The following PCDHGA9 variants were observed in gnomAD, a reference collection of about 807,000 sequenced individuals.
The protein encoded by PCDHGA9 is protocadherin gamma subfamily A, 9, also known as protocadherin gamma-A9.
Under a neutral mutation model 62.5 loss-of-function variants are expected in PCDHGA9, and 37 were observed. The observed-to-expected ratio is 0.59, with a 90% CI of 0.46 to 0.78. The LOEUF is 0.78. Among genes scored for constraint, PCDHGA9 ranks in the 30% least tolerant of loss-of-function variants. The probability of loss-of-function intolerance (pLI) is 0.00; values close to 1 mark genes in which losing one functional copy is unlikely to be tolerated. For missense variants in PCDHGA9, 1,138 were observed against 1,166.2 expected, an observed-to-expected ratio of 0.98 and a Z score of 0.35; for synonymous variants, 459 against 484.6, an observed-to-expected ratio of 0.95 and a Z score of 0.69.
intron 1 of PCDHGA9, among the ~76,000 whole-genome samples, chr5:141,405,891 A>G (rs1029768115): frequency 1.3e-5 from 2 of 152,164 alleles, no homozygotes; most frequent in African/African-American, 4.8e-5. Flanking sequence ...TTGCTCCAAC[A>G]CTGAAAGGAG....
intron 1 of PCDHGA9, among the ~76,000 whole-genome samples, chr5:141,458,890 C>A (rs369529373): frequency 2.0e-5 from 3 of 152,042 alleles, no homozygotes; most frequent in African/African-American, 7.2e-5. Flanking sequence ...GCACACCATG[C>A]GCAGCTAATT....
At chr5:141,460,159 T>A (rs1313260289) in intron 1 of PCDHGA9, among the ~76,000 whole-genome samples, 3 of 152,260 alleles carry the variant, frequency 2.0e-5, no homozygotes, top group Non-Finnish European at 1.5e-5. Context: ...CTTTGTCACA[T>A]ACATATTTTG....
intron 1 of PCDHGA9, among the ~76,000 whole-genome samples, chr5:141,407,531 T>C (rs757019162): frequency 3.3e-5 from 5 of 151,462 alleles, no homozygotes; most frequent in South Asian, 2.1e-4. Context: ...TAACTTATTG[T>C]GCATTGGTAA....
chr5:141,494,924 TGGGAGGAGATGGGGGAG>T, intron 2 of PCDHGA9, 59 bp downstream of exon 2: 1 of 1,613,498 alleles, frequency 6.2e-7, no homozygotes, highest in Admixed American at 1.7e-5. Flanking sequence ...AGGGATGACG[TGGGAGGAGATGGGGGAG>T]GGCCCAGCAT....
chr5:141,423,782 C>T (rs1458189260), intron 1 of PCDHGA9: 9 of 1,243,226 alleles, frequency 7.2e-6, no homozygotes, highest in Non-Finnish European at 9.3e-6. Flanking sequence ...ATATTTAGTT[C>T]ATATATATTT....
intron 1 of PCDHGA9, chr5:141,422,851 C>A (rs1459531183): frequency 1.2e-6 from 2 of 1,614,122 alleles, no homozygotes; most frequent in African/African-American, 1.3e-5. Flanking sequence ...CGGGGACCCG[C>A]CCCTCAGCAG....
intron 2 of PCDHGA9, among the ~76,000 whole-genome samples, chr5:141,499,573 A>AT (rs2099792803): frequency 1.3e-5 from 2 of 152,108 alleles, no homozygotes; most frequent in Non-Finnish European, 2.9e-5. Context: ...AGCTTCAACT[A>AT]ATGCCTTATC....
At chr5:141,415,208 A>C in intron 1 of PCDHGA9, 3 of 1,614,024 alleles carry the variant, frequency 1.9e-6, no homozygotes, top group Non-Finnish European at 2.5e-6. Context: ...GTCCTGGCGG[A>C]CCTCGGCAGC....
chr5:141,476,190 C>T lies in PCDHGA9; in HGVS notation c.2425-18617C>T. On this transcript the variant is annotated intron_variant, in intron 1 of 3. Transcript: ENST00000573521. The surrounding 1 kb of genome is among the most constrained non-coding windows in gnomAD (Gnocchi z 7.6). ...GTGGGAGTTTTGCTTCTGCTTGGTG[C>T]CTTGAACAAGGCTTCCACGGTCATT... is the stretch of plus-strand genomic sequence containing the variant. 3.1e-6 allele frequency: 5 copies of T among 1,613,694 alleles called. No individual in the cohort carries two copies. The highest frequency in any genetic ancestry group is 4.2e-6 in the Non-Finnish European group (5 of 1,179,988).
chr5:141,484,715 G>A (rs576646182), intron 1 of PCDHGA9, among the ~76,000 whole-genome samples: 1 of 152,130 alleles, frequency 6.6e-6, no homozygotes, highest in African/African-American at 2.4e-5. Context: ...CCGCCGAAAA[G>A]GGGCGGGGTC....
At chr5:141,503,660 C>A (rs2099827842) in intron 2 of PCDHGA9, among the ~76,000 whole-genome samples, 1 of 150,420 alleles carries the variant, frequency 6.6e-6, no homozygotes, top group Non-Finnish European at 1.5e-5. Flanking sequence ...AACAGAATTA[C>A]AACTCTTCCC....
At chr5:141,419,204 G>A (rs1291977951) in intron 1 of PCDHGA9, 1 of 1,613,798 alleles carries the variant, frequency 6.2e-7, no homozygotes, top group Non-Finnish European at 8.5e-7. Flanking sequence ...CAATGACAAC[G>A]CGCCGGTTTT....
At chr5:141,419,617 C>G (rs780077182) in intron 1 of PCDHGA9, 1 of 1,612,280 alleles carries the variant, frequency 6.2e-7, no homozygotes. Flanking sequence ...AGCCAGGCTA[C>G]CTGGTGACCA....
chr5:141,462,824 A>T (rs1561993844), intron 1 of PCDHGA9, among the ~76,000 whole-genome samples: 1 of 152,158 alleles, frequency 6.6e-6, no homozygotes, highest in Non-Finnish European at 1.5e-5. Flanking sequence ...TGGACAGCAG[A>T]CATTGTAAAT....
In PCDHGA9 at chr5:141,431,059, C is replaced by G. The variant is rs367774626; in HGVS notation, c.2424+25683C>G. ...GGGAGGAGCTCTGTATGGGGGCCAT[C>G]AAGTGTCAATTAAATCTAGACATTC... On this transcript the variant is annotated intron_variant, in intron 1 of 3. Coordinates refer to ENST00000573521, the MANE Select transcript of PCDHGA9 (RefSeq NM_018921.3). This position sits in a 1 kb window ranked among gnomAD's most constrained non-coding sequence, Gnocchi z 4.8. 1 of 1,614,136 alleles carries G rather than the reference C, an allele frequency of 6.2e-7. No individual in the cohort carries two copies.
In PCDHGA9 at chr5:141,490,113, C is replaced by G. The variant is rs2099696295; in HGVS notation, c.2425-4694C>G. Reference sequence around the variant, plus strand: ...ACCACACATCTGAGGCAGTGCGGAACCTCTTTGGCCTAGACCCTAGCAGTG... The same window carrying G: ...ACCACACATCTGAGGCAGTGCGGAAGCTCTTTGGCCTAGACCCTAGCAGTG... On this transcript the variant is annotated intron_variant, in intron 1 of 3. Transcript: ENST00000573521. This position sits in a 1 kb window ranked among gnomAD's most constrained non-coding sequence, Gnocchi z 5.4. 1 of 1,614,258 alleles carries G rather than the reference C, an allele frequency of 6.2e-7. No individual in the cohort carries two copies.
Position 141,477,016 on chromosome 5 carries a change from A to G in PCDHGA9, c.2425-17791A>G, listed in dbSNP as rs2099403497. Reference sequence around the variant, plus strand: ...GGCAACTATTCGCCTTAGACCTTGTAACCGGGATGCTGACAATCAAGGGTC... The same window carrying G: ...GGCAACTATTCGCCTTAGACCTTGTGACCGGGATGCTGACAATCAAGGGTC... On this transcript the variant is annotated intron_variant, in intron 1 of 3. Transcript: ENST00000573521. The surrounding 1 kb of genome is among the most constrained non-coding windows in gnomAD (Gnocchi z 4.9). 4.3e-6 allele frequency: 7 copies of G among 1,614,130 alleles called. No homozygotes were observed. The highest frequency in any genetic ancestry group is 5.9e-6 in the Non-Finnish European group (7 of 1,180,050).
intron 1 of PCDHGA9, among the ~76,000 whole-genome samples, chr5:141,492,632 C>T (rs1359761285): frequency 1.3e-5 from 2 of 152,256 alleles, no homozygotes; most frequent in Admixed American, 1.3e-4. Context: ...CAGGACTCTA[C>T]GATCCTTGGG....
intron 1 of PCDHGA9, among the ~76,000 whole-genome samples, chr5:141,488,713 C>A (rs1165389103): frequency 6.6e-6 from 1 of 152,184 alleles, no homozygotes; most frequent in Non-Finnish European, 1.5e-5. Context: ...CTGGTTCAAG[C>A]AAAGTGGTGG....
Sources: gnomAD v4.1 joint callset for allele counts (sites outside exome capture counted in the v4.1 genomes callset) on GRCh38, gnomAD v4.1.1 for gene constraint, Gnocchi (gnomAD v3.1) non-coding constraint, MANE v1.5 for transcripts, NCBI Gene and HGNC (gene_info 2026-07-23, HGNC 2026-07-21) for gene names.